TRIO: variants seen among roughly 807,000 people sequenced by gnomAD.
The protein encoded by TRIO is trio Rho guanine nucleotide exchange factor, also known as triple functional domain protein.
TRIO carries 58 observed loss-of-function variants against 351.9 expected under a neutral mutation model. The ratio of observed to expected loss-of-function variants is 0.16; its 90% CI spans 0.13 to 0.21. The LOEUF (loss-of-function observed/expected upper bound fraction) is 0.21. Ranked by LOEUF, TRIO falls within the 10% of genes least tolerant of loss-of-function variation. The pLI is 1.00. For synonymous variants in TRIO, 1,758 were observed against 1,595.7 expected (o/e 1.10, Z -2.42); for missense variants, 3,201 against 4,027.8 (o/e 0.79, Z 5.56).
rs1304730907 is a variant in TRIO, at chr5:14,287,123, T to C, written c.540+60T>C. 6.5e-6 allele frequency: 10 copies of C among 1,539,800 alleles called. No homozygotes were observed. In the East Asian group the frequency reaches 1.6e-4, roughly 24 times the overall value. ...AGTTGGTGTGGTTTACTAAAAGCTA[T>C]TGAGGCTAATGAGAGATTTTTTTTT... On this transcript the variant is annotated intron_variant, in intron 4 of 56. Coordinates refer to ENST00000344204, the MANE Select transcript of TRIO (RefSeq NM_007118.4).
At chr5:14,277,993 A>G (rs1735690508) in intron 2 of TRIO, among the ~76,000 whole-genome samples, 1 of 152,248 alleles carries the variant, frequency 6.6e-6, no homozygotes, top group Non-Finnish European at 1.5e-5. Context: ...AAAATATCCC[A>G]GTGAATTTTC....
At chr5:14,357,906 C>T (rs1372341302) in intron 11 of TRIO, among the ~76,000 whole-genome samples, 2 of 152,140 alleles carry the variant, frequency 1.3e-5, no homozygotes, top group Non-Finnish European at 2.9e-5. Flanking sequence ...TTTCCTTTTT[C>T]TCTTTTGTGA....
intron 34 of TRIO, among the ~76,000 whole-genome samples, chr5:14,451,663 G>C (rs1232934154): frequency 1.3e-5 from 2 of 152,240 alleles, no homozygotes; most frequent in African/African-American, 4.8e-5. Context: ...CAAATAGTCT[G>C]ATGGAGTTAT....
intron 9 of TRIO, among the ~76,000 whole-genome samples, chr5:14,317,919 G>C (rs900062008): frequency 6.6e-5 from 10 of 152,208 alleles, no homozygotes; most frequent in African/African-American, 2.4e-4. Context: ...CTGAGGTCAG[G>C]AATTCGAGAC....
At chr5:14,373,676 G>T (rs1745315118) in intron 18 of TRIO, among the ~76,000 whole-genome samples, 1 of 152,138 alleles carries the variant, frequency 6.6e-6, no homozygotes. Flanking sequence ...TTCAACCAGG[G>T]TTGGCAAGTT....
intron 1 of TRIO, among the ~76,000 whole-genome samples, chr5:14,178,185 C>G (rs1034435629): frequency 1.3e-5 from 2 of 152,130 alleles, no homozygotes; most frequent in African/African-American, 4.8e-5. Flanking sequence ...ATTTGCCAAA[C>G]AAGCAGCAGA....
intron 11 of TRIO, among the ~76,000 whole-genome samples, chr5:14,354,654 G>T (rs1442532060): frequency 6.6e-6 from 1 of 152,242 alleles, no homozygotes; most frequent in Admixed American, 6.5e-5. Context: ...ATGTACATTT[G>T]CTTAAATCAT....
At position 14,508,501 on chromosome 5, in the gene TRIO, A is replaced by T; in HGVS notation, c.*79A>T. The T allele has an allele frequency of 1.3e-6, 2 of 1,491,190 alleles. No homozygotes were observed. Among genetic ancestry groups the T allele is most frequent in the Non-Finnish European group, 1.8e-6 (2 of 1,107,252 alleles). The allele number at this position is 1,491,190 out of a possible 1,614,324, so 92.4% of individuals were successfully genotyped here. The stretch of plus-strand genomic sequence containing the variant: ...TGAATTTTCAAGAGAAAACAAGCAA[A>T]CATAACTGATCAGCTGCCGGTATGT... On this transcript the variant is annotated 3_prime_UTR_variant, in exon 57 of 57. Coordinates refer to ENST00000344204, the MANE Select transcript of TRIO (RefSeq NM_007118.4).
intron 36 of TRIO, among the ~76,000 whole-genome samples, chr5:14,463,350 A>T (rs1753973106): frequency 6.6e-6 from 1 of 152,160 alleles, no homozygotes; most frequent in African/African-American, 2.4e-5. Context: ...CTGGTTTGAG[A>T]TGAGGTTACA....
At chr5:14,364,545 A>G (rs1017606849) in intron 14 of TRIO, 105 bp from the exon 15 acceptor site, 1 of 1,409,422 alleles carries the variant, frequency 7.1e-7, no homozygotes, top group Non-Finnish European at 9.7e-7. Flanking sequence ...CTTGGCCCCC[A>G]GCTGGGCAGA....
intron 15 of TRIO, among the ~76,000 whole-genome samples, chr5:14,366,210 C>T (rs1164520306): frequency 2.0e-5 from 3 of 151,900 alleles, no homozygotes; most frequent in Non-Finnish European, 2.9e-5. Flanking sequence ...GCTAAGTAAA[C>T]GAGAGGGCAA....
intron 48 of TRIO, chr5:14,488,575 C>G (rs1015245527): frequency 2.4e-5 from 12 of 507,480 alleles, no homozygotes; most frequent in African/African-American, 2.1e-4. Flanking sequence ...GCCTTCCTCA[C>G]GCACCTATTT....
Position 14,471,374 on chromosome 5 carries a change from T to G in TRIO, c.5820T>G (p.Pro1940=). Residue 1940 remains proline, a synonymous_variant, in exon 38 of 57, where the codon CCT becomes CCG. Coordinates refer to ENST00000344204, the MANE Select transcript of TRIO (RefSeq NM_007118.4). ...TTGACCAGGGAGATAGTAGCAGCCC[T>G]TCCTTCAACCCTTCGGATAATTCCC... The part of the protein sequence containing the change: ...LLVDQGDSSS[P]SFNPSDNSLL... 1.2e-6 allele frequency: 2 copies of G among 1,614,164 alleles called. No individual in the cohort carries two copies. The highest frequency in any genetic ancestry group is 1.7e-6 in the Non-Finnish European group (2 of 1,180,028).
At chr5:14,318,327 T>C (rs2152307280) in intron 9 of TRIO, among the ~76,000 whole-genome samples, 1 of 144,114 alleles carries the variant, frequency 6.9e-6, no homozygotes, top group Non-Finnish European at 1.5e-5. Flanking sequence ...TGCTGGCACA[T>C]GCTTGTAATC....
intron 34 of TRIO, among the ~76,000 whole-genome samples, chr5:14,425,732 A>G (rs1038322650): frequency 2.0e-5 from 3 of 152,132 alleles, no homozygotes; most frequent in East Asian, 3.9e-4. Flanking sequence ...TGGGATTACT[A>G]CCCTTACAAA....
At chr5:14,241,197 T>TC (rs1479794798) in intron 1 of TRIO, among the ~76,000 whole-genome samples, 2 of 152,358 alleles carry the variant, frequency 1.3e-5, no homozygotes, top group Admixed American at 1.3e-4. Flanking sequence ...ATACCTTTTT[T>TC]CCCATATGAA....
rs188105058 is a variant in TRIO, at chr5:14,195,190, T to C, written c.157+51308T>C. ...TTCCAGGAGCACACGTTGCATTTAA[T>C]TGCAGCCCTCTTTAGTCTTTTTTAG... On this transcript the variant is annotated intron_variant, in intron 1 of 56. Coordinates refer to ENST00000344204, the MANE Select transcript of TRIO (RefSeq NM_007118.4). 3.0e-4 allele frequency among the ~76,000 whole-genome samples: 46 copies of C among 152,344 alleles called. No individual in the cohort carries two copies. The East Asian group carries it at 8.7e-3, about 29-fold the overall frequency.
At chr5:14,144,977 G>A (rs1454722063) in intron 1 of TRIO, among the ~76,000 whole-genome samples, 2 of 152,106 alleles carry the variant, frequency 1.3e-5, no homozygotes, top group East Asian at 3.9e-4. Flanking sequence ...CACGGGGCAG[G>A]GAGGATGCAG....
chr5:14,339,299 A>T (rs1192039380), intron 11 of TRIO, among the ~76,000 whole-genome samples: 2 of 152,228 alleles, frequency 1.3e-5, no homozygotes, highest in African/African-American at 4.8e-5. Context: ...TTGTAACAGC[A>T]GTGTTTTTAA....
Sources: gnomAD v4.1 joint callset for allele counts (sites outside exome capture counted in the v4.1 genomes callset) on GRCh38, gnomAD v4.1.1 for gene constraint, MANE v1.5 for transcripts, NCBI Gene and HGNC (gene_info 2026-07-23, HGNC 2026-07-21) for gene names.